FAT3: variants seen among roughly 807,000 people sequenced by gnomAD.
FAT3 encodes protocadherin Fat 3.
FAT3 carries 95 observed loss-of-function variants against 310.2 expected under a neutral mutation model. The ratio of observed to expected loss-of-function variants is 0.31; its 90% CI spans 0.26 to 0.36. The LOEUF (loss-of-function observed/expected upper bound fraction) is 0.36, where lower values mean the gene tolerates loss of function less well. Ranked by LOEUF, FAT3 falls within the 10% of genes least tolerant of loss-of-function variation. The pLI is 1.00. For synonymous variants in FAT3, 2,314 were observed against 2,192.9 expected (o/e 1.06, Z -1.54); for missense variants, 5,408 against 5,715.6 (o/e 0.95, Z 1.74).
intron 3 of FAT3, among the ~76,000 whole-genome samples, chr11:92,600,761 GA>G (rs899784758): frequency 1.3e-5 from 2 of 151,822 alleles, no homozygotes; most frequent in Non-Finnish European, 2.9e-5. Flanking sequence ...AAAACTCCTG[GA>G]AAAAAAATAA....
At position 92,840,666 on chromosome 11, in the gene FAT3, A is replaced by G. The variant is rs191309466; in HGVS notation, c.10473A>G (p.Glu3491=). The G allele has an allele frequency of 8.6e-4, 1,390 of 1,613,266 alleles. 11 individuals carry two copies. The African/African-American group carries it at 0.016, about 18-fold the overall frequency. ...PFSFSILSGN[E]EEEFVLDPHG... is the part of the protein sequence containing the mutation. ...CATTCTCTATTTTGTCGGGAAATGA[A>G]GAGGAGGAGTTTGTGTTGGACCCTC... The change falls in exon 18 of 28, where the codon GAA becomes GAG. Residue 3491 remains glutamate, a synonymous_variant. Transcript: ENST00000525166.
At chr11:92,467,961 A>G (rs75474136) in intron 2 of FAT3, among the ~76,000 whole-genome samples, 3,314 of 152,320 alleles carry the variant, frequency 0.022, 131 homozygotes, top group African/African-American at 0.075. Context: ...GGGAGTGAGC[A>G]TATGACATAG....
intron 22 of FAT3, among the ~76,000 whole-genome samples, chr11:92,867,962 A>G (rs954652528): frequency 3.3e-5 from 5 of 152,122 alleles, no homozygotes; most frequent in African/African-American, 1.2e-4. Flanking sequence ...GGGGAAAGCC[A>G]AGATTATTTA....
At chr11:92,365,375 A>G (rs533964120) in intron 2 of FAT3, among the ~76,000 whole-genome samples, 1 of 152,324 alleles carries the variant, frequency 6.6e-6, no homozygotes, top group Non-Finnish European at 1.5e-5. Flanking sequence ...AGTTACCTTC[A>G]AGATGTGTAA....
chr11:92,415,849 C>CTTTTTTTTTTTT (rs1196695394), intron 2 of FAT3, among the ~76,000 whole-genome samples: 3 of 70,402 alleles, frequency 4.3e-5, no homozygotes, highest in African/African-American at 1.1e-4. Context: ...AGCATTTTTG[C>CTTTTTTTTTTTT]TTTTTTTTTT....
chr11:92,702,237 C>G (rs887288726), intron 4 of FAT3, among the ~76,000 whole-genome samples: 6 of 152,244 alleles, frequency 3.9e-5, no homozygotes, highest in East Asian at 1.9e-4. Flanking sequence ...TCTTAGTCAT[C>G]TCTGTATACA....
At chr11:92,795,255 G>T (rs1264392672) in intron 9 of FAT3, among the ~76,000 whole-genome samples, 1 of 152,080 alleles carries the variant, frequency 6.6e-6, no homozygotes, top group Non-Finnish European at 1.5e-5. Flanking sequence ...CATATGAATA[G>T]AGAGTTTAAA....
At chr11:92,563,971 G>A (rs1219216124) in intron 3 of FAT3, among the ~76,000 whole-genome samples, 1 of 151,596 alleles carries the variant, frequency 6.6e-6, no homozygotes, top group East Asian at 1.9e-4. Context: ...GGAAGAAACT[G>A]CATCAACTAA....
At chr11:92,225,220 G>A (rs1029926853) in intron 1 of FAT3, among the ~76,000 whole-genome samples, 46 bp downstream of exon 1, 2 of 152,214 alleles carry the variant, frequency 1.3e-5, no homozygotes, top group Non-Finnish European at 2.9e-5. Context: ...CTGGTGCACC[G>A]ACTGGAGCGC....
At chr11:92,339,469 A>T (rs2134574461) in intron 1 of FAT3, among the ~76,000 whole-genome samples, 1 of 152,344 alleles carries the variant, frequency 6.6e-6, no homozygotes, top group East Asian at 1.9e-4. Flanking sequence ...ATGTCCAAAG[A>T]GAAAGTGCCT....
intron 3 of FAT3, among the ~76,000 whole-genome samples, chr11:92,564,441 G>C (rs1415613578): frequency 6.6e-6 from 1 of 150,428 alleles, no homozygotes; most frequent in African/African-American, 2.5e-5. Flanking sequence ...AATAATGGGA[G>C]ACTTTAACAC....
At chr11:92,786,665 A>T (rs755481239) in intron 7 of FAT3, among the ~76,000 whole-genome samples, 1 of 152,174 alleles carries the variant, frequency 6.6e-6, no homozygotes, top group Non-Finnish European at 1.5e-5. Flanking sequence ...ATGCAAAATG[A>T]TAAAACCTTT....
intron 1 of FAT3, among the ~76,000 whole-genome samples, chr11:92,309,412 ACACACACT>A (rs1947234257): frequency 7.2e-6 from 1 of 138,568 alleles, no homozygotes; most frequent in Non-Finnish European, 1.5e-5. Context: ...ACACACACAC[ACACACACT>A]TTTCTCCTAA....
chr11:92,291,303 G>T (rs925013004), intron 1 of FAT3, among the ~76,000 whole-genome samples: 5 of 152,040 alleles, frequency 3.3e-5, no homozygotes, highest in African/African-American at 1.2e-4. Context: ...TTAATGAAAG[G>T]GATCTTTCTC....
At chr11:92,225,636 G>A (rs535372811) in intron 1 of FAT3, among the ~76,000 whole-genome samples, 1 of 152,268 alleles carries the variant, frequency 6.6e-6, no homozygotes, top group South Asian at 2.1e-4. Context: ...GGGACCCCGA[G>A]GTGCAAGTTG....
intron 3 of FAT3, among the ~76,000 whole-genome samples, chr11:92,648,350 C>T (rs980018925): frequency 1.3e-5 from 2 of 152,168 alleles, no homozygotes; most frequent in African/African-American, 2.4e-5. Flanking sequence ...ATAAGTGGCA[C>T]CTTTGACCAC....
At chr11:92,809,821 A>G in intron 12 of FAT3, 22 bp from the exon 13 acceptor site, 1 of 1,591,436 alleles carries the variant, frequency 6.3e-7, no homozygotes. Context: ...CAGACCAATC[A>G]TGCTGCCATT....
rs140727747 is a variant in FAT3, at chr11:92,809,326, C to A, written c.9248-517C>A. Among the ~76,000 whole-genome samples the A allele has an allele frequency of 3.0e-4, 45 of 152,338 alleles. 1 individual carries two copies. The highest frequency in any genetic ancestry group is 1.1e-3 in the African/African-American group (44 of 41,578). Reference sequence around the variant, plus strand: ...AGGGGTCCTTCAAGACCCTGCCCCGCTAAAGCCAGCTTCTGTTTTCATTAC... The same window carrying A: ...AGGGGTCCTTCAAGACCCTGCCCCGATAAAGCCAGCTTCTGTTTTCATTAC... On this transcript the variant is annotated intron_variant, in intron 12 of 27. Coordinates refer to ENST00000525166, the MANE Select transcript of FAT3 (RefSeq NM_001367949.2).
intron 2 of FAT3, among the ~76,000 whole-genome samples, chr11:92,411,125 TATA>T (rs1242208808): frequency 1.6e-4 from 19 of 118,150 alleles, no homozygotes; most frequent in African/African-American, 1.7e-4. Flanking sequence ...TATATATTTA[TATA>T]TTATATATTA....
Sources: gnomAD v4.1 joint callset for allele counts (sites outside exome capture counted in the v4.1 genomes callset) on GRCh38, gnomAD v4.1.1 for gene constraint, MANE v1.5 for transcripts, NCBI Gene and HGNC (gene_info 2026-07-23, HGNC 2026-07-21) for gene names.